Variants in FBXO36 observed in about 807,000 individuals in gnomAD.
FBXO36 encodes the protein F-box protein 36, also known as F-box only protein 36.
Under a neutral mutation model 17.0 loss-of-function variants are expected in FBXO36, and 18 were observed. The ratio of observed to expected loss-of-function variants is 1.06; its 90% CI spans 0.73 to 1.57. FBXO36 has a LOEUF of 1.57. Among genes scored for constraint, FBXO36 ranks in the 40% most tolerant of loss-of-function variants. FBXO36 has a pLI of 0.00. For synonymous variants in FBXO36, 83 were observed against 85.3 expected (o/e 0.97, Z 0.15); for missense variants, 229 against 221.9 (o/e 1.03, Z -0.20).
At chr2:229,957,214 G>A (rs1244984745) in intron 1 of FBXO36, among the ~76,000 whole-genome samples, 4 of 152,248 alleles carry the variant, frequency 2.6e-5, no homozygotes, top group Non-Finnish European at 4.4e-5. Context: ...GCAGCAGGAA[G>A]AAAGGAAGCC....
chr2:229,957,396 A>T (rs1198900267), intron 1 of FBXO36, among the ~76,000 whole-genome samples: 2 of 152,106 alleles, frequency 1.3e-5, no homozygotes, highest in Non-Finnish European at 2.9e-5. Context: ...GGCCAACATG[A>T]TGAAACCCCA....
intron 3 of FBXO36, among the ~76,000 whole-genome samples, chr2:229,998,966 C>A (rs1269215261): frequency 6.6e-6 from 1 of 151,490 alleles, no homozygotes; most frequent in Admixed American, 6.6e-5. Flanking sequence ...CCACACCCGG[C>A]TAATTTTTTG....
At chr2:229,941,172 G>A (rs925661386) in intron 1 of FBXO36, among the ~76,000 whole-genome samples, 5 of 152,090 alleles carry the variant, frequency 3.3e-5, no homozygotes, top group African/African-American at 7.2e-5. Context: ...AAATGGGGAC[G>A]AAGCCGGGCA....
chr2:229,971,013 T>C (rs979602628), intron 1 of FBXO36, among the ~76,000 whole-genome samples: 1 of 152,106 alleles, frequency 6.6e-6, no homozygotes, highest in African/African-American at 2.4e-5. Flanking sequence ...ACAAAAATTG[T>C]CAGTTCCTCA....
At chr2:230,009,400 G>A (rs1253656874) in intron 3 of FBXO36, among the ~76,000 whole-genome samples, 1 of 152,170 alleles carries the variant, frequency 6.6e-6, no homozygotes, top group African/African-American at 2.4e-5. Flanking sequence ...GTGTTACTTT[G>A]CTTAGGATAA....
intron 1 of FBXO36, among the ~76,000 whole-genome samples, chr2:229,927,676 A>T (rs1489993933): frequency 6.6e-6 from 1 of 151,980 alleles, no homozygotes; most frequent in Non-Finnish European, 1.5e-5. Context: ...ATTGGGCAAT[A>T]GATTCGTCTT....
rs574703074 is a variant in FBXO36, at chr2:229,956,175, A to G, written c.97-20066A>G. Reference sequence around the variant, plus strand: ...TGCCATAGACTCGATGACTTAAACAATAGAAATGTATTTTCTCAGAGTTCT... The same window carrying G: ...TGCCATAGACTCGATGACTTAAACAGTAGAAATGTATTTTCTCAGAGTTCT... On this transcript the variant is annotated intron_variant, in intron 1 of 3. Coordinates refer to ENST00000283946, the MANE Select transcript of FBXO36 (RefSeq NM_174899.5). Among the ~76,000 whole-genome samples, 3 of 152,352 alleles carry G rather than the reference A, an allele frequency of 2.0e-5. No homozygotes were observed. The East Asian group carries it at 5.8e-4, about 29-fold the overall frequency.
intron 3 of FBXO36, among the ~76,000 whole-genome samples, chr2:230,005,105 A>T (rs2077380152): frequency 6.6e-6 from 1 of 152,068 alleles, no homozygotes; most frequent in Non-Finnish European, 1.5e-5. Context: ...TTATTTATTT[A>T]TTTATTTTCC....
intron 1 of FBXO36, among the ~76,000 whole-genome samples, chr2:229,940,613 A>G (rs2076993008): frequency 6.6e-6 from 1 of 152,230 alleles, no homozygotes; most frequent in African/African-American, 2.4e-5. Context: ...ATCCTGCTAA[A>G]GTAGCATGGG....
intron 3 of FBXO36, among the ~76,000 whole-genome samples, chr2:229,998,284 C>A (rs764866775): frequency 6.6e-6 from 1 of 152,002 alleles, no homozygotes; most frequent in Non-Finnish European, 1.5e-5. Context: ...TCAACTTGGG[C>A]AAAATAGGGA....
Position 229,976,343 on chromosome 2 carries a change from C to T in FBXO36, c.199C>T (p.Leu67Phe). Reference sequence around the variant, plus strand: ...TGAAGACTTCCTAGAGAATTCACATCTTCAAGGTAAGGAACGGAACATATT... The same window carrying T: ...TGAAGACTTCCTAGAGAATTCACATTTTCAAGGTAAGGAACGGAACATATT... ...THEDFLENSH[L>F]QGQTALIFGA... The change falls in exon 2 of 4, where the codon CTT (leucine) becomes TTT (phenylalanine). Residue 67 changes from leucine (L) to phenylalanine (F), a missense_variant. By Grantham distance (22) the Leu-to-Phe change is conservative (BLOSUM62 0). Transcript: ENST00000283946. 4 of 1,609,694 alleles carry T rather than the reference C, an allele frequency of 2.5e-6. No homozygotes were observed. In the South Asian group the frequency reaches 4.4e-5, roughly 18 times the overall value.
chr2:230,007,482 C>T (rs192976199), intron 3 of FBXO36, among the ~76,000 whole-genome samples: 3 of 152,338 alleles, frequency 2.0e-5, no homozygotes, highest in African/African-American at 4.8e-5. Flanking sequence ...GGTGGAAACA[C>T]AGATGCCAGG....
At chr2:229,931,421 A>C (rs1380255290) in intron 1 of FBXO36, among the ~76,000 whole-genome samples, 1 of 152,136 alleles carries the variant, frequency 6.6e-6, no homozygotes, top group East Asian at 1.9e-4. Context: ...GGATCCTTTC[A>C]TTCCTCCTGC....
At chr2:229,997,568 A>C (rs2077333807) in intron 3 of FBXO36, among the ~76,000 whole-genome samples, 1 of 147,384 alleles carries the variant, frequency 6.8e-6, no homozygotes, top group Admixed American at 6.8e-5. Context: ...ACAGAGCGAG[A>C]CTCTGACTCA....
intron 1 of FBXO36, among the ~76,000 whole-genome samples, chr2:229,944,784 G>A (rs995920791): frequency 6.6e-6 from 1 of 151,552 alleles, no homozygotes; most frequent in African/African-American, 2.4e-5. Context: ...TAGTAGAGAC[G>A]GGGTTTCACC....
chr2:229,972,428 T>C (rs959925905), intron 1 of FBXO36, among the ~76,000 whole-genome samples: 13 of 152,124 alleles, frequency 8.5e-5, no homozygotes, highest in African/African-American at 3.1e-4. Flanking sequence ...ATAGCTATGA[T>C]TGAATACTAT....
intron 2 of FBXO36, among the ~76,000 whole-genome samples, chr2:229,988,748 C>T (rs1395943997): frequency 2.0e-5 from 3 of 151,228 alleles, no homozygotes; most frequent in African/African-American, 7.3e-5. Context: ...GTTGCTCAGG[C>T]TGGTCTCGAA....
chr2:229,987,211 C>CA lies in FBXO36; in HGVS notation c.206-9524dup, dbSNP rs78504298. On this transcript the variant is annotated intron_variant, in intron 2 of 3. Transcript: ENST00000283946. The stretch of plus-strand genomic sequence containing the variant: ...TGGGCAACAGAGCGAGACTCCATCT[C>CA]AAAAAAAAAAAAAAAAGAACGTTAC... Among the ~76,000 whole-genome samples, 166 of 90,586 alleles carry CA rather than the reference C, an allele frequency of 1.8e-3. 1 individual carries two copies. Among genetic ancestry groups the CA allele is most frequent in the East Asian group, 6.8e-3 (21 of 3,074 alleles). The allele number at this position is 90,586 out of a possible 152,430, so 59.4% of individuals were successfully genotyped here.
At chr2:229,950,787 C>T (rs545334410) in intron 1 of FBXO36, among the ~76,000 whole-genome samples, 5 of 141,590 alleles carry the variant, frequency 3.5e-5, no homozygotes, top group Non-Finnish European at 6.0e-5. Flanking sequence ...GACAGAGTCT[C>T]GTTCAGCCGC....
Sources: gnomAD v4.1 joint callset for allele counts (sites outside exome capture counted in the v4.1 genomes callset) on GRCh38, gnomAD v4.1.1 for gene constraint, MANE v1.5 for transcripts, NCBI Gene and HGNC (gene_info 2026-07-23, HGNC 2026-07-21) for gene names.